Variants in KIF6 observed in about 807,000 individuals in gnomAD.
KIF6 encodes the protein kinesin-like protein KIF6.
A neutral mutation model predicts 112.7 loss-of-function variants in KIF6; 106 were observed. That is an observed-to-expected ratio of 0.94 (90% CI 0.80 to 1.11). The LOEUF (loss-of-function observed/expected upper bound fraction) is 1.11, where lower values mean the gene tolerates loss of function less well. Among genes scored for constraint, KIF6 ranks in the 50% least tolerant of loss-of-function variants. The probability of loss-of-function intolerance (pLI) is 0.00; values close to 1 mark genes in which losing one functional copy is unlikely to be tolerated. For synonymous variants in KIF6, 339 were observed against 339.9 expected (o/e 1.00, Z 0.03); for missense variants, 929 against 964.0 (o/e 0.96, Z 0.48).
chr6:39,664,083 G>A (rs531432773), intron 3 of KIF6, among the ~76,000 whole-genome samples: 5 of 152,250 alleles, frequency 3.3e-5, no homozygotes, highest in East Asian at 1.9e-4. Context: ...AATAAATGCT[G>A]TATATAATAT....
intron 3 of KIF6, among the ~76,000 whole-genome samples, chr6:39,652,856 G>A (rs1387882465): frequency 6.6e-6 from 1 of 152,046 alleles, no homozygotes; most frequent in Non-Finnish European, 1.5e-5. Flanking sequence ...TACTACCTAA[G>A]TTATAAAACA....
chr6:39,546,049 G>A (rs1297485613), intron 10 of KIF6, among the ~76,000 whole-genome samples: 2 of 152,162 alleles, frequency 1.3e-5, no homozygotes, highest in African/African-American at 4.8e-5. Flanking sequence ...AAAAATGCAT[G>A]TGACTCCGCT....
intron 4 of KIF6, among the ~76,000 whole-genome samples, chr6:39,638,045 A>T (rs1319976969): frequency 3.9e-5 from 6 of 152,046 alleles, no homozygotes; most frequent in Non-Finnish European, 8.8e-5. Flanking sequence ...TTGGGAGAGG[A>T]TGAGTTTATT....
At chr6:39,671,021 T>A (rs764930055) in intron 3 of KIF6, among the ~76,000 whole-genome samples, 1 of 152,350 alleles carries the variant, frequency 6.6e-6, no homozygotes, top group East Asian at 1.9e-4. Flanking sequence ...ACCTGTCACA[T>A]ACAAAGCACT....
chr6:39,618,735 C>T (rs757452050), intron 5 of KIF6, among the ~76,000 whole-genome samples: 16 of 152,160 alleles, frequency 1.1e-4, no homozygotes, highest in African/African-American at 1.9e-4. Context: ...AGATAACAGA[C>T]GTCCCCAGTC....
In KIF6 at chr6:39,596,198, C is replaced by T. The variant is rs374567626; in HGVS notation, c.702G>A (p.Lys234=). 9.9e-6 allele frequency: 16 copies of T among 1,613,926 alleles called. No homozygotes were observed. Among genetic ancestry groups the T allele is most frequent in the Non-Finnish European group, 1.3e-5 (15 of 1,179,988 alleles). ...HCIFTIHLSS[K]EPGSATVRHA... ...GTCGTACAGTTGCAGATCCTGGTTC[C>T]TTGCTTGACAAATGAATGGTGAAAA... The change falls in exon 7 of 23, where the codon AAG becomes AAA. Residue 234 remains lysine, a synonymous_variant. Coordinates refer to ENST00000287152, the MANE Select transcript of KIF6 (RefSeq NM_145027.6).
chr6:39,537,000 T>C (rs1179139852), intron 13 of KIF6, among the ~76,000 whole-genome samples: 1 of 152,148 alleles, frequency 6.6e-6, no homozygotes, highest in Non-Finnish European at 1.5e-5. Context: ...AAAAGGCCTT[T>C]GACAAAATTC....
intron 13 of KIF6, among the ~76,000 whole-genome samples, chr6:39,508,481 A>G (rs1292380462): frequency 6.6e-6 from 1 of 152,050 alleles, no homozygotes; most frequent in East Asian, 1.9e-4. Context: ...GAGTGACTGT[A>G]TTTGGAGGAA....
chr6:39,524,636 G>C (rs1200407331), intron 13 of KIF6, among the ~76,000 whole-genome samples: 4 of 152,182 alleles, frequency 2.6e-5, no homozygotes, highest in Non-Finnish European at 4.4e-5. Flanking sequence ...CCATTGTGAG[G>C]GTAGAAAGGC....
chr6:39,359,877 C>G (rs138707380), intron 18 of KIF6, among the ~76,000 whole-genome samples: 469 of 152,266 alleles, frequency 3.1e-3, no homozygotes, highest in African/African-American at 9.9e-3. Context: ...GCATGAGCCA[C>G]CGTGCCCAGC....
At chr6:39,503,484 C>T (rs72850679) in intron 13 of KIF6, among the ~76,000 whole-genome samples, 1 of 151,998 alleles carries the variant, frequency 6.6e-6, no homozygotes, top group East Asian at 1.9e-4. Context: ...CAGAGCTGAA[C>T]TGAAGGAGAC....
Position 39,431,161 on chromosome 6 carries a change from C to A in KIF6, c.1646G>T (p.Gly549Val). Residue 549 changes from glycine to valine, a missense_variant and splice_region_variant, in exon 14 of 23, where the codon GGA (glycine) becomes GTA (valine). Gly to Val is a moderately radical substitution (Grantham distance 109). Transcript: ENST00000287152. Reference sequence around the variant, plus strand: ...TCCTAATGACATTTCCTCTCTCATTCCTGTTTGGAGACACAGGGAAATGGC... The same window carrying A: ...TCCTAATGACATTTCCTCTCTCATTACTGTTTGGAGACACAGGGAAATGGC... ...KRSSLLHKKIGMREEMSLGCQ... is the reference protein window; with the variant it reads ...KRSSLLHKKIVMREEMSLGCQ... The A allele has an allele frequency of 2.5e-6, 4 of 1,576,842 alleles. No homozygotes were observed. The highest frequency in any genetic ancestry group is 3.5e-6 in the Non-Finnish European group (4 of 1,146,318).
chr6:39,344,202 C>T (rs963420071), intron 21 of KIF6, among the ~76,000 whole-genome samples: 19 of 152,190 alleles, frequency 1.2e-4, no homozygotes, highest in Admixed American at 2.0e-4. Context: ...TGTTTTCATA[C>T]GAGGTTTCCC....
intron 3 of KIF6, among the ~76,000 whole-genome samples, chr6:39,649,553 T>A (rs1019168801): frequency 2.0e-5 from 3 of 152,146 alleles, no homozygotes; most frequent in Non-Finnish European, 4.4e-5. Context: ...CTGTCTTTTT[T>A]AAAAAATTCA....
At chr6:39,647,800 G>A (rs945133371) in intron 3 of KIF6, among the ~76,000 whole-genome samples, 3 of 150,358 alleles carry the variant, frequency 2.0e-5, no homozygotes, top group South Asian at 2.1e-4. Flanking sequence ...TCCGCCTCCC[G>A]GGTTCAGTTC....
intron 1 of KIF6, among the ~76,000 whole-genome samples, chr6:39,723,704 T>G (rs1165623760): frequency 6.6e-6 from 1 of 152,088 alleles, no homozygotes; most frequent in Non-Finnish European, 1.5e-5. Flanking sequence ...TGAGAACGCA[T>G]GCACACAGGG....
At chr6:39,419,853 T>C in intron 15 of KIF6, 95 bp downstream of exon 15, 2 of 1,077,792 alleles carry the variant, frequency 1.9e-6, no homozygotes, top group Non-Finnish European at 2.9e-6. Flanking sequence ...AAACTGGCCA[T>C]TTGGGGCTTC....
At chr6:39,626,480 C>G (rs1386600354) in intron 5 of KIF6, among the ~76,000 whole-genome samples, 1 of 152,154 alleles carries the variant, frequency 6.6e-6, no homozygotes, top group African/African-American at 2.4e-5. Context: ...CGGTTAATAT[C>G]CTGGTTCTAG....
intron 13 of KIF6, among the ~76,000 whole-genome samples, chr6:39,487,454 C>T (rs1775185271): frequency 1.3e-5 from 2 of 152,184 alleles, no homozygotes; most frequent in African/African-American, 4.8e-5. Context: ...CTCTGGAAGG[C>T]CACCCTTTAG....
Sources: allele counts gnomAD v4.1 joint callset (sites outside exome capture counted in the v4.1 genomes callset), GRCh38; gene constraint gnomAD v4.1.1; transcripts MANE v1.5; gene names NCBI Gene and HGNC (gene_info 2026-07-23, HGNC 2026-07-21).